The following ZNF215 variants were observed in gnomAD, a reference collection of about 807,000 sequenced individuals.
ZNF215 encodes BWSCR2-associated zinc finger protein 2.
Under a neutral mutation model 27.2 loss-of-function variants are expected in ZNF215, and 24 were observed. The ratio of observed to expected loss-of-function variants is 0.88; its 90% CI spans 0.64 to 1.24. The LOEUF (loss-of-function observed/expected upper bound fraction) is 1.24, where lower values mean the gene tolerates loss of function less well. ZNF215 is among the 50% of genes most tolerant of loss of function. ZNF215 has a pLI of 0.00. For synonymous variants in ZNF215, 210 were observed against 204.0 expected, an observed-to-expected ratio of 1.03 and a Z score of -0.25; for missense variants, 675 against 605.7, an observed-to-expected ratio of 1.11 and a Z score of -1.20.
chr11:6,984,099 C>G (rs764491510), intron 5 of ZNF215: 27 of 407,898 alleles, frequency 6.6e-5, no homozygotes, highest in South Asian at 4.8e-4. Flanking sequence ...GATAATTTGA[C>G]AATGTCCCTT....
rs1450702866 is a variant in ZNF215, at chr11:6,956,557, T to C, written c.*26T>C. On this transcript the variant is annotated 3_prime_UTR_variant, in exon 7 of 7. Transcript: ENST00000278319. Reference sequence around the variant, plus strand: ...AAAAAGAAAAAATGAAAGATTACCTTCAGTCAGAATGCAGAACTCATTTAA... The same window carrying C: ...AAAAAGAAAAAATGAAAGATTACCTCCAGTCAGAATGCAGAACTCATTTAA... 7 of 1,532,546 alleles carry C rather than the reference T, an allele frequency of 4.6e-6. No individual in the cohort carries two copies. Among genetic ancestry groups the C allele is most frequent in the Non-Finnish European group, 5.2e-6 (6 of 1,147,398 alleles). The allele number at this position is 1,532,546 out of a possible 1,614,324, so 94.9% of individuals were successfully genotyped here. A position where few individuals can be genotyped will look rare whatever the true frequency, so the allele number is the denominator to read the frequency against.
downstream of ZNF215, among the ~76,000 whole-genome samples, chr11:6,961,024 A>G (rs1162125614): frequency 6.6e-6 from 1 of 152,046 alleles, no homozygotes; most frequent in Non-Finnish European, 1.5e-5. Context: ...TGGTGTTTCC[A>G]TTGAATGCCA....
chr11:6,953,202 A>T (rs987882852), intron 6 of ZNF215, among the ~76,000 whole-genome samples: 13 of 152,070 alleles, frequency 8.5e-5, no homozygotes, highest in African/African-American at 2.9e-4. Flanking sequence ...TGAATCTGAC[A>T]ATTGTATGTC....
intron 5 of ZNF215, among the ~76,000 whole-genome samples, chr11:6,968,241 T>C (rs1479458340): frequency 6.6e-6 from 1 of 152,212 alleles, no homozygotes; most frequent in African/African-American, 2.4e-5. Context: ...TTTGTTCTTT[T>C]TGCTTGGGAT....
chr11:6,964,457 A>G (rs981778713), intron 5 of ZNF215, among the ~76,000 whole-genome samples: 2 of 152,068 alleles, frequency 1.3e-5, no homozygotes, highest in Non-Finnish European at 2.9e-5. Flanking sequence ...GGTATGGGTC[A>G]AGCTTTATTT....
intron 6 of ZNF215, among the ~76,000 whole-genome samples, chr11:6,944,093 G>A (rs1329875709): frequency 6.6e-6 from 1 of 152,132 alleles, no homozygotes; most frequent in African/African-American, 2.4e-5. Context: ...GGCTAACACC[G>A]TTAAACCCTG....
chr11:6,938,000 A>G (rs1156433066), intron 3 of ZNF215, among the ~76,000 whole-genome samples: 1 of 152,036 alleles, frequency 6.6e-6, no homozygotes, highest in African/African-American at 2.4e-5. Context: ...TAGATAAATT[A>G]GACCATCAAA....
chr11:6,947,641 T>C (rs745566047), intron 6 of ZNF215, among the ~76,000 whole-genome samples: 6 of 152,184 alleles, frequency 3.9e-5, no homozygotes, highest in Non-Finnish European at 7.4e-5. Flanking sequence ...GGAAATACAA[T>C]TGGAAATTCT....
At chr11:6,966,209 G>A (rs1175797233) in intron 5 of ZNF215, among the ~76,000 whole-genome samples, 3 of 152,008 alleles carry the variant, frequency 2.0e-5, no homozygotes, top group Non-Finnish European at 2.9e-5. Context: ...CCTTTGCAGC[G>A]GCATGGATGG....
downstream of ZNF215, among the ~76,000 whole-genome samples, chr11:6,962,156 T>C (rs940271739): frequency 1.3e-5 from 2 of 152,170 alleles, no homozygotes; most frequent in African/African-American, 4.8e-5. Flanking sequence ...AGGGTTTTTT[T>C]TTGTTTGTTT....
intron 5 of ZNF215, among the ~76,000 whole-genome samples, chr11:6,979,177 C>T (rs752911226): frequency 6.6e-6 from 1 of 152,030 alleles, no homozygotes; most frequent in Non-Finnish European, 1.5e-5. Context: ...CCCAGTCCAC[C>T]TTTCTTTGTC....
intron 5 of ZNF215, among the ~76,000 whole-genome samples, chr11:6,965,242 T>G (rs1248917383): frequency 6.6e-6 from 1 of 152,136 alleles, no homozygotes; most frequent in Admixed American, 6.6e-5. Context: ...AAGTCACACA[T>G]GTAAAAGTGT....
intron 5 of ZNF215, among the ~76,000 whole-genome samples, chr11:6,971,694 G>A (rs1850721907): frequency 6.6e-6 from 1 of 152,096 alleles, no homozygotes; most frequent in Non-Finnish European, 1.5e-5. Context: ...AGGAATTAGA[G>A]ACATAGAAAA....
chr11:6,948,696 T>A (rs1384784938), intron 6 of ZNF215, among the ~76,000 whole-genome samples: 2 of 152,170 alleles, frequency 1.3e-5, no homozygotes, highest in Non-Finnish European at 2.9e-5. Flanking sequence ...AGAATAAAAT[T>A]ATTAGGCATA....
At chr11:6,945,135 A>G (rs1849773916) in intron 6 of ZNF215, among the ~76,000 whole-genome samples, 1 of 152,178 alleles carries the variant, frequency 6.6e-6, no homozygotes, top group African/African-American at 2.4e-5. Flanking sequence ...TTATCTCTTT[A>G]TCATCATCCT....
At chr11:6,979,551 G>A (rs1253364378) in intron 5 of ZNF215, among the ~76,000 whole-genome samples, 1 of 151,962 alleles carries the variant, frequency 6.6e-6, no homozygotes, top group Non-Finnish European at 1.5e-5. Context: ...TTAAAAGGAG[G>A]AACTATTTTA....
chr11:6,928,834 AGAG>A (rs1849153007), intron 2 of ZNF215, among the ~76,000 whole-genome samples: 6 of 152,318 alleles, frequency 3.9e-5, no homozygotes, highest in African/African-American at 1.2e-4. Flanking sequence ...GTCATATTTA[AGAG>A]CTCTCTCTTG....
chr11:6,987,940 A>C (rs1316468182), downstream of ZNF215, among the ~76,000 whole-genome samples: 2 of 152,238 alleles, frequency 1.3e-5, no homozygotes, highest in Non-Finnish European at 2.9e-5. Flanking sequence ...AAAAAAAGAA[A>C]GAAAAGTAAT....
At position 6,956,080 on chromosome 11, in the gene ZNF215, G is replaced by C; in HGVS notation, c.1103G>C (p.Arg368Pro). The change falls in exon 7 of 7, where the codon CGA becomes CCA. Residue 368 changes from arginine (R) to proline (P), a missense_variant. By Grantham distance (103) the Arg-to-Pro change is moderately radical (BLOSUM62 -2). Coordinates refer to ENST00000278319, the MANE Select transcript of ZNF215 (RefSeq NM_013250.4). ...GNDLSLSTDI[R>P]HQKSHTTMNS... The stretch of plus-strand genomic sequence containing the variant: ...GACTTGAGTTTGAGTACAGATATTC[G>C]ACACCAAAAAAGTCATACTACAATG... The C allele has an allele frequency of 6.2e-7, 1 of 1,611,680 alleles. No homozygotes were observed. The highest frequency in any genetic ancestry group is 8.5e-7 in the Non-Finnish European group (1 of 1,179,406).
Sources: gnomAD v4.1 joint callset for allele counts (sites outside exome capture counted in the v4.1 genomes callset) on GRCh38, gnomAD v4.1.1 for gene constraint, MANE v1.5 for transcripts, NCBI Gene and HGNC (gene_info 2026-07-23, HGNC 2026-07-21) for gene names.